The following KHDRBS3 variants were observed in gnomAD, a reference collection of about 807,000 sequenced individuals.
KHDRBS3 encodes KH domain-containing, RNA-binding, signal transduction-associated protein 3.
A neutral mutation model predicts 45.6 loss-of-function variants in KHDRBS3; 23 were observed. That is an observed-to-expected ratio of 0.50 (90% CI 0.36 to 0.72). KHDRBS3 has a LOEUF of 0.72. Ranked by LOEUF, KHDRBS3 falls within the 30% of genes least tolerant of loss-of-function variation. KHDRBS3 has a pLI of 0.00. For synonymous variants in KHDRBS3, 162 were observed against 156.5 expected (o/e 1.04, Z -0.26); for missense variants, 352 against 424.8 (o/e 0.83, Z 1.51).
chr8:135,648,494 A>AT (rs1831365405), downstream of KHDRBS3: 2 of 151,622 alleles, frequency 1.3e-5, no homozygotes, highest in African/African-American at 2.4e-5. Context: ...TTCTTGGGGG[A>AT]TTTTTTTCTG....
chr8:135,536,263 ATTATTG>A (rs1825753048), intron 2 of KHDRBS3, among the ~76,000 whole-genome samples: 2 of 58,518 alleles, frequency 3.4e-5, no homozygotes, highest in South Asian at 6.5e-4. Flanking sequence ...TTTTTTTTTT[ATTATTG>A]TTTAAAAGGT....
chr8:135,461,459 C>A (rs1203032211), intron 1 of KHDRBS3, among the ~76,000 whole-genome samples: 3 of 152,142 alleles, frequency 2.0e-5, no homozygotes, highest in African/African-American at 7.2e-5. Context: ...TGTTAAAAGT[C>A]AGTCAAAGAA....
chr8:135,550,681 T>G (rs754901962), intron 4 of KHDRBS3, among the ~76,000 whole-genome samples: 18 of 152,280 alleles, frequency 1.2e-4, no homozygotes, highest in Non-Finnish European at 2.2e-4. Context: ...TTGTTCTTTT[T>G]CAAACATTTT....
At chr8:135,517,123 C>T (rs1876998) in intron 1 of KHDRBS3, among the ~76,000 whole-genome samples, 83,444 of 151,364 alleles carry the variant, frequency 0.55, 24,038 homozygotes, top group East Asian at 0.78. Context: ...AAGAATTCTG[C>T]AGTGAGAGGT....
intron 4 of KHDRBS3, among the ~76,000 whole-genome samples, chr8:135,653,872 A>G (rs1183607035): frequency 6.6e-6 from 1 of 152,166 alleles, no homozygotes; most frequent in African/African-American, 2.4e-5. Context: ...TTCTCTAACC[A>G]TTAGATTTTT....
Position 135,457,465 on chromosome 8 carries a change from G to C in KHDRBS3, c.-402G>C, listed in dbSNP as rs939622674. 1.4e-5 allele frequency: 2 copies of C among 147,256 alleles called. No individual in the cohort carries two copies. The highest frequency in any genetic ancestry group is 3.0e-5 in the Non-Finnish European group (2 of 66,286). The allele number at this position is 147,256 out of a possible 1,614,324, so 9.1% of individuals were successfully genotyped here. On this transcript the variant is annotated 5_prime_UTR_variant, in exon 1 of 9. Coordinates refer to ENST00000355849, the MANE Select transcript of KHDRBS3 (RefSeq NM_006558.3). The surrounding 1 kb of genome is among the most constrained non-coding windows in gnomAD (Gnocchi z 4.4). ...CTCGGCGCGGTGGCTCAGAGTGCGC[G>C]GGGCGGCGCGCGGCGTGCAGGTCGC... is the stretch of plus-strand genomic sequence containing the variant.
At chr8:135,560,359 A>T (rs1827111494) in intron 5 of KHDRBS3, among the ~76,000 whole-genome samples, 2 of 152,154 alleles carry the variant, frequency 1.3e-5, no homozygotes, top group South Asian at 2.1e-4. Context: ...CTTTATATAT[A>T]TGTGTATGTA....
At chr8:135,522,592 T>G (rs961398984) in intron 2 of KHDRBS3, among the ~76,000 whole-genome samples, 3 of 152,212 alleles carry the variant, frequency 2.0e-5, no homozygotes, top group African/African-American at 7.2e-5. Flanking sequence ...CTTTTTTATT[T>G]TAGCTTTTGA....
At chr8:135,590,276 C>T (rs1828686393) in intron 6 of KHDRBS3, among the ~76,000 whole-genome samples, 1 of 152,194 alleles carries the variant, frequency 6.6e-6, no homozygotes, top group African/African-American at 2.4e-5. Flanking sequence ...AATCTTACGG[C>T]TCCACTGTCC....
At chr8:135,546,109 C>G (rs981740018) in intron 3 of KHDRBS3, among the ~76,000 whole-genome samples, 2 of 151,320 alleles carry the variant, frequency 1.3e-5, no homozygotes, top group Non-Finnish European at 2.9e-5. Flanking sequence ...TGCACTCTAA[C>G]CTGGGTGAAA....
At chr8:135,632,639 T>G (rs1830652919) in intron 7 of KHDRBS3, among the ~76,000 whole-genome samples, 1 of 152,016 alleles carries the variant, frequency 6.6e-6, no homozygotes, top group South Asian at 2.1e-4. Flanking sequence ...CCTCTTCCCT[T>G]TCTCTATAAA....
rs4541961 is a variant in KHDRBS3 at position 135,577,655 on chromosome 8, A to G, written c.612-4223A>G. Among the ~76,000 whole-genome samples, 1,206 of 152,228 alleles carry G rather than the reference A, an allele frequency of 7.9e-3. 14 individuals carry two copies. Among genetic ancestry groups the G allele is most frequent in the African/African-American group, 0.025 (1,051 of 41,528 alleles). ...TGTAACCCAGTTTGCTTATCTGTTCATCTATCGAAGGGCATCTTGGTTGCT... is the reference window on the plus strand; with the variant it reads ...TGTAACCCAGTTTGCTTATCTGTTCGTCTATCGAAGGGCATCTTGGTTGCT... On this transcript the variant is annotated intron_variant, in intron 5 of 8. Coordinates refer to ENST00000355849, the MANE Select transcript of KHDRBS3 (RefSeq NM_006558.3).
chr8:135,644,991 G>T, intron 7 of KHDRBS3, 68 bp from the exon 8 acceptor site: 5 of 1,516,926 alleles, frequency 3.3e-6, no homozygotes, highest in Non-Finnish European at 4.5e-6. Context: ...TTTACAATAC[G>T]TTATTGAATA....
At chr8:135,618,854 G>A (rs1830024064) in intron 7 of KHDRBS3, among the ~76,000 whole-genome samples, 1 of 152,176 alleles carries the variant, frequency 6.6e-6, no homozygotes, top group Non-Finnish European at 1.5e-5. Context: ...TGTGGAGCCT[G>A]GCACGTGGCA....
chr8:135,475,684 C>T (rs189567733), intron 1 of KHDRBS3, among the ~76,000 whole-genome samples: 1 of 152,168 alleles, frequency 6.6e-6, no homozygotes, highest in Non-Finnish European at 1.5e-5. Context: ...GTCATTGTCA[C>T]ATAATTATTA....
chr8:135,489,666 G>A (rs1009700243), intron 1 of KHDRBS3, among the ~76,000 whole-genome samples: 3 of 152,242 alleles, frequency 2.0e-5, no homozygotes, highest in Non-Finnish European at 4.4e-5. Context: ...TGGCGACAGA[G>A]CGAGACTCCA....
intron 7 of KHDRBS3, among the ~76,000 whole-genome samples, chr8:135,637,140 G>A (rs1464236719): frequency 6.6e-6 from 1 of 152,188 alleles, no homozygotes; most frequent in African/African-American, 2.4e-5. Flanking sequence ...ATTGTTAAAT[G>A]TTATAAAAGA....
At chr8:135,626,476 G>A (rs1168285906) in intron 7 of KHDRBS3, among the ~76,000 whole-genome samples, 1 of 152,168 alleles carries the variant, frequency 6.6e-6, no homozygotes, top group Non-Finnish European at 1.5e-5. Context: ...AAGCTTCCTG[G>A]CATGGTGGAC....
At chr8:135,482,708 A>G (rs893634001) in intron 1 of KHDRBS3, among the ~76,000 whole-genome samples, 2 of 152,104 alleles carry the variant, frequency 1.3e-5, no homozygotes, top group Non-Finnish European at 2.9e-5. Context: ...GTCTGATAGA[A>G]TGGATATAAA....
Sources: allele counts gnomAD v4.1 joint callset (sites outside exome capture counted in the v4.1 genomes callset), GRCh38; gene constraint gnomAD v4.1.1; non-coding constraint Gnocchi (gnomAD v3.1); transcripts MANE v1.5; gene names NCBI Gene and HGNC (gene_info 2026-07-23, HGNC 2026-07-21).